The following ZNF117 variants were observed in gnomAD, a reference collection of about 807,000 sequenced individuals.
The protein encoded by ZNF117 is Krueppel-related zinc finger protein.
In ZNF117, 37 loss-of-function variants were observed where a neutral mutation model predicts 41.2. The ratio of observed to expected loss-of-function variants is 0.90; its 90% CI spans 0.69 to 1.18. ZNF117 has a LOEUF of 1.18. Among genes scored for constraint, ZNF117 ranks in the 50% most tolerant of loss-of-function variants. The probability of loss-of-function intolerance (pLI) is 0.00; values close to 1 mark genes in which losing one functional copy is unlikely to be tolerated. For missense variants in ZNF117, 546 were observed against 557.5 expected, an observed-to-expected ratio of 0.98 and a Z score of 0.21; for synonymous variants, 186 against 186.6, an observed-to-expected ratio of 1.00 and a Z score of 0.02.
chr7:64,977,852 A>T, exon 3 of ZNF117: 1 of 1,127,294 alleles, frequency 8.9e-7, no homozygotes, highest in Non-Finnish European at 1.3e-6. Flanking sequence ...TCTTATGTTT[A>T]ATAAGGTTTG....
chr7:64,975,203 A>G (rs886286229), exon 3 of ZNF117: 2 of 151,964 alleles, frequency 1.3e-5, no homozygotes, highest in African/African-American at 4.8e-5. Context: ...CTGAATGCAC[A>G]ATTGGTCTTA....
chr7:64,972,479 A>G (rs901977491), downstream of ZNF117: 1 of 152,050 alleles, frequency 6.6e-6, no homozygotes, highest in African/African-American at 2.4e-5. Flanking sequence ...AGAAATTTCT[A>G]TTATTTTCAA....
chr7:64,977,892 TCA>T (rs1785925261), exon 3 of ZNF117: 11 of 1,199,174 alleles, frequency 9.2e-6, no homozygotes, highest in Non-Finnish European at 1.4e-5. Flanking sequence ...GCCACATTCT[TCA>T]CATTTGTAGG....
chr7:64,985,970 AG>A (rs1365711774), upstream of ZNF117, among the ~76,000 whole-genome samples: 3 of 141,868 alleles, frequency 2.1e-5, no homozygotes, highest in Non-Finnish European at 3.1e-5. Context: ...AAAAAAAAAA[AG>A]AAAGAAAGAA....
At chr7:64,973,664 T>C (rs1785818974), downstream of ZNF117, 1 of 151,920 alleles carries the variant, frequency 6.6e-6, no homozygotes, top group African/African-American at 2.4e-5. Flanking sequence ...TAAAATGACA[T>C]GGCATGAAGA....
In ZNF117 at chr7:64,976,434, T is replaced by G. The variant is rs1247297294; in HGVS notation, c.*1685A>C. 3 of 101,324 alleles carry G rather than the reference T, an allele frequency of 3.0e-5. No individual in the cohort carries two copies. In the East Asian group the frequency reaches 7.7e-4, roughly 26 times the overall value. 6.3% of individuals were successfully genotyped at this position (101,324 alleles called of 1,614,324 possible). A position where few individuals can be genotyped will look rare whatever the true frequency, so the allele number is the denominator to read the frequency against. The stretch of plus-strand genomic sequence containing the variant: ...TCCAGCCTGGGTGACAGAGCAAGAC[T>G]CCATCTAAAAAAAAAAAAAAAACTT... On this transcript the variant is annotated 3_prime_UTR_variant, in exon 3 of 3. Coordinates refer to ENST00000620222, the Ensembl canonical transcript of ZNF117.
Position 64,975,210 on chromosome 7 carries a change from C to T in ZNF117, c.*2909G>A, listed in dbSNP as rs1367959657. On this transcript the variant is annotated 3_prime_UTR_variant, in exon 3 of 3. Coordinates refer to ENST00000620222, the Ensembl canonical transcript of ZNF117. ...ATACTTCACTGAATGCACAATTGGTCTTAACATGTTAAAAAAAAAGTTTAA... is the reference window on the plus strand; with the variant it reads ...ATACTTCACTGAATGCACAATTGGTTTTAACATGTTAAAAAAAAAGTTTAA... The T allele has an allele frequency of 7.3e-5, 11 of 151,538 alleles. 1 individual carries two copies. In the Middle Eastern group the frequency reaches 0.014, roughly 189 times the overall value. The allele number at this position is 151,538 out of a possible 1,614,324, so 9.4% of individuals were successfully genotyped here. A position where few individuals can be genotyped will look rare whatever the true frequency, so the allele number is the denominator to read the frequency against.
exon 3 of ZNF117, chr7:64,979,306 C>A: frequency 6.3e-7 from 1 of 1,590,932 alleles, no homozygotes; most frequent in Non-Finnish European, 8.5e-7. Context: ...TTATGGAAAA[C>A]TTCTACATAT....
intron 1 of ZNF117, among the ~76,000 whole-genome samples, chr7:64,988,561 C>A (rs1786183933): frequency 6.6e-6 from 1 of 152,170 alleles, no homozygotes; most frequent in Non-Finnish European, 1.5e-5. Context: ...TGTTTTCTCT[C>A]ACCACTCCTA....
chr7:64,979,722 A>G (rs1311069830), intron 2 of ZNF117, among the ~76,000 whole-genome samples, 186 bp from the exon 4 acceptor site: 4 of 152,026 alleles, frequency 2.6e-5, no homozygotes, highest in African/African-American at 9.7e-5. Context: ...CATTTATAGA[A>G]AATTTATAAA....
chr7:64,974,632 A>G (rs1785840966), exon 3 of ZNF117: 1 of 151,950 alleles, frequency 6.6e-6, no homozygotes, highest in South Asian at 2.1e-4. Context: ...GTAAACCAAT[A>G]CTAAAATTCT....
upstream of ZNF117, among the ~76,000 whole-genome samples, chr7:64,985,909 C>A: frequency 7.5e-6 from 1 of 132,792 alleles, no homozygotes; most frequent in South Asian, 2.4e-4. Context: ...CCAGATCATG[C>A]CATTGCACTC....
At chr7:64,972,056 G>A (rs1369871864), downstream of ZNF117, 1 of 151,730 alleles carries the variant, frequency 6.6e-6, no homozygotes, top group African/African-American at 2.4e-5. Flanking sequence ...AAAGACAAAT[G>A]GTCAAGATAT....
chr7:64,988,792 C>T (rs1168654195), intron 1 of ZNF117, among the ~76,000 whole-genome samples: 1 of 152,120 alleles, frequency 6.6e-6, no homozygotes, highest in Non-Finnish European at 1.5e-5. Context: ...CATCCCTGTA[C>T]ATTAATAACA....
chr7:64,979,108 G>A (rs1387834920), exon 3 of ZNF117: 1 of 1,612,768 alleles, frequency 6.2e-7, no homozygotes, highest in Admixed American at 1.7e-5. Context: ...ATTCTCTTAT[G>A]TTTATTAAGG....
exon 3 of ZNF117, chr7:64,978,561 T>C (rs1452599427): frequency 1.2e-6 from 2 of 1,613,096 alleles, no homozygotes; most frequent in Non-Finnish European, 1.7e-6. Flanking sequence ...TTTGCCACAT[T>C]CCTCACATTT....
intron 1 of ZNF117, among the ~76,000 whole-genome samples, chr7:64,989,612 A>G (rs1786219096): frequency 6.7e-6 from 1 of 150,314 alleles, no homozygotes; most frequent in South Asian, 2.1e-4. Context: ...AAATTGACAA[A>G]TGGGACCTAA....
chr7:64,978,705 G>T, exon 3 of ZNF117: 3 of 1,612,806 alleles, frequency 1.9e-6, no homozygotes, highest in African/African-American at 1.3e-5. Context: ...AAGGGTTGAG[G>T]ACTGGTTAAA....
chr7:64,976,134 CCTT>C (rs1785880290), exon 3 of ZNF117: 1 of 152,018 alleles, frequency 6.6e-6, no homozygotes, highest in Non-Finnish European at 1.5e-5. Flanking sequence ...AAAATGAAAA[CCTT>C]CTTCTCTTTA....
Sources: gnomAD v4.1 joint callset for allele counts (sites outside exome capture counted in the v4.1 genomes callset) on GRCh38, gnomAD v4.1.1 for gene constraint, MANE v1.5 for transcripts, NCBI Gene and HGNC (gene_info 2026-07-23, HGNC 2026-07-21) for gene names.